Variants in TASP1 observed in about 807,000 individuals in gnomAD.
TASP1 encodes taspase 1.
Under a neutral mutation model 56.6 loss-of-function variants are expected in TASP1, and 16 were observed. The ratio of observed to expected loss-of-function variants is 0.28; its 90% CI spans 0.19 to 0.43. The LOEUF (loss-of-function observed/expected upper bound fraction) is 0.43. TASP1 is among the 20% of genes least tolerant of loss of function. The pLI is 1.00. For synonymous variants in TASP1, 179 were observed against 184.2 expected (o/e 0.97, Z 0.23); for missense variants, 393 against 511.6 (o/e 0.77, Z 2.24).
chr20:13,545,640 T>C (rs2045780673), intron 8 of TASP1, among the ~76,000 whole-genome samples: 2 of 130,732 alleles, frequency 1.5e-5, no homozygotes, highest in Non-Finnish European at 3.6e-5. Flanking sequence ...AGTTTGGTGT[T>C]ACACATTTTT....
chr20:13,543,977 C>T (rs1480487159), intron 8 of TASP1, among the ~76,000 whole-genome samples: 1 of 152,152 alleles, frequency 6.6e-6, no homozygotes, highest in African/African-American at 2.4e-5. Flanking sequence ...TTCCCAAAAG[C>T]ACATCCTTTA....
At chr20:13,278,298 T>C in the TASP1 span, among the ~76,000 whole-genome samples, 1 of 152,204 alleles carries the variant, frequency 6.6e-6, no homozygotes, top group East Asian at 1.9e-4. Context: ...AGTTCTAGCT[T>C]TGGCTCCAGG....
At chr20:13,123,646 G>A in the TASP1 span, among the ~76,000 whole-genome samples, 1 of 152,076 alleles carries the variant, frequency 6.6e-6, no homozygotes, top group African/African-American at 2.4e-5. Flanking sequence ...AGAAGCACTG[G>A]CTTCTCCCTC....
chr20:13,299,063 C>T, the TASP1 span: 1 of 1,613,832 alleles, frequency 6.2e-7, no homozygotes, highest in Non-Finnish European at 8.5e-7. The surrounding 1 kb of genome is among the most constrained non-coding windows in gnomAD (Gnocchi z 5.8). Context: ...TGGCCTACAG[C>T]ACGGCCGACA....
intron 10 of TASP1, among the ~76,000 whole-genome samples, chr20:13,515,484 T>G (rs1346696730): frequency 2.0e-5 from 3 of 147,462 alleles, no homozygotes; most frequent in Non-Finnish European, 4.4e-5. Flanking sequence ...ATCCCAAGAC[T>G]CATCCCAGAC....
intron 11 of TASP1, among the ~76,000 whole-genome samples, chr20:13,441,643 A>G (rs1311888942): frequency 6.6e-6 from 1 of 152,220 alleles, no homozygotes; most frequent in Admixed American, 6.5e-5. Flanking sequence ...ACAGACAGTG[A>G]TAACATTTAT....
chr20:13,479,286 CAAAG>C (rs771900630), intron 11 of TASP1, among the ~76,000 whole-genome samples: 5 of 151,842 alleles, frequency 3.3e-5, no homozygotes, highest in Admixed American at 2.0e-4. Flanking sequence ...AAAGAAAAAA[CAAAG>C]GAAGCAAAAA....
At chr20:13,280,535 G>T in the TASP1 span, among the ~76,000 whole-genome samples, 4 of 152,304 alleles carry the variant, frequency 2.6e-5, no homozygotes, top group Admixed American at 2.6e-4. Flanking sequence ...TTGGGTAGGA[G>T]AACTCAGCTC....
At chr20:13,229,101 CTTCCT>C in the TASP1 span, among the ~76,000 whole-genome samples, 378 of 151,004 alleles carry the variant, frequency 2.5e-3, no homozygotes, top group Non-Finnish European at 4.3e-3. Context: ...CCTTTTTTAT[CTTCCT>C]TTCCTTTCTT....
At chr20:13,171,770 A>AAT in the TASP1 span, among the ~76,000 whole-genome samples, 6 of 152,094 alleles carry the variant, frequency 3.9e-5, no homozygotes, top group African/African-American at 1.4e-4. Flanking sequence ...GAAAACCAGC[A>AAT]ATACCAAAGT....
At chr20:13,372,718 C>T in the TASP1 span, among the ~76,000 whole-genome samples, 5 of 151,378 alleles carry the variant, frequency 3.3e-5, no homozygotes, top group African/African-American at 1.2e-4. Context: ...TCCTATTTTA[C>T]TGCTTTATTT....
At chr20:13,185,478 G>C in the TASP1 span, among the ~76,000 whole-genome samples, 1 of 152,086 alleles carries the variant, frequency 6.6e-6, no homozygotes, top group Non-Finnish European at 1.5e-5. Flanking sequence ...CTTTCTCCTA[G>C]TTGACAGCAT....
At chr20:13,541,271 T>A (rs1322915708) in intron 8 of TASP1, among the ~76,000 whole-genome samples, 1 of 152,192 alleles carries the variant, frequency 6.6e-6, no homozygotes, top group Non-Finnish European at 1.5e-5. Flanking sequence ...GGAAGCTCAG[T>A]AGGCCAGAAG....
chr20:13,471,772 A>G (rs965224054), intron 11 of TASP1, among the ~76,000 whole-genome samples: 1 of 152,158 alleles, frequency 6.6e-6, no homozygotes, highest in Admixed American at 6.6e-5. Flanking sequence ...AAGACGGATG[A>G]TTTCTGCATT....
chr20:13,546,980 G>A (rs369261046), intron 8 of TASP1, among the ~76,000 whole-genome samples: 21 of 152,220 alleles, frequency 1.4e-4, no homozygotes, highest in African/African-American at 5.1e-4. Flanking sequence ...TTAAATAAAA[G>A]ATTTTAAACC....
the TASP1 span, among the ~76,000 whole-genome samples, chr20:13,359,194 G>A: frequency 9.1e-3 from 1,203 of 132,448 alleles, 79 homozygotes; most frequent in African/African-American, 0.038. Flanking sequence ...GAACCGCAGT[G>A]GCCAGGCATT....
the TASP1 span, among the ~76,000 whole-genome samples, chr20:13,186,757 G>A: frequency 6.6e-6 from 1 of 152,102 alleles, no homozygotes; most frequent in East Asian, 1.9e-4. Context: ...CTTAAACAAA[G>A]TCATATTTCT....
the TASP1 span, chr20:13,288,531 G>A: frequency 1.2e-6 from 2 of 1,612,994 alleles, no homozygotes; most frequent in Non-Finnish European, 1.7e-6. Flanking sequence ...CTCCCTGGCT[G>A]TCTTCCAGAT....
At chr20:13,388,953 A>C (rs1351647571), downstream of TASP1, among the ~76,000 whole-genome samples, 1 of 152,194 alleles carries the variant, frequency 6.6e-6, no homozygotes, top group Non-Finnish European at 1.5e-5. Context: ...GCCCAGAGCC[A>C]TGATTACATG....
Sources: gnomAD v4.1 joint callset for allele counts (sites outside exome capture counted in the v4.1 genomes callset) on GRCh38, gnomAD v4.1.1 for gene constraint, Gnocchi (gnomAD v3.1) non-coding constraint, MANE v1.5 for transcripts, NCBI Gene and HGNC (gene_info 2026-07-23, HGNC 2026-07-21) for gene names.